C1orf159: variants seen among roughly 807,000 people sequenced by gnomAD.
The protein encoded by C1orf159 is uncharacterized protein C1orf159.
A neutral mutation model predicts 25.6 loss-of-function variants in C1orf159; 19 were observed. That is an observed-to-expected ratio of 0.74 (90% confidence interval 0.52 to 1.09). The LOEUF is 1.09. Ranked by LOEUF, C1orf159 falls within the 50% of genes least tolerant of loss-of-function variation. The pLI, the probability that C1orf159 is intolerant of heterozygous loss-of-function variation, is 0.00. For missense variants in C1orf159, 274 were observed against 290.6 expected, an observed-to-expected ratio of 0.94 and a Z score of 0.42; for synonymous variants, 139 against 124.7, an observed-to-expected ratio of 1.12 and a Z score of -0.77.
intron 1 of C1orf159, among the ~76,000 whole-genome samples, chr1:1,099,444 G>C (rs1170536800): frequency 6.6e-6 from 1 of 151,232 alleles, no homozygotes; most frequent in African/African-American, 2.4e-5. Context: ...GTTGTCTATT[G>C]ATGTTTTTGG....
intron 1 of C1orf159, among the ~76,000 whole-genome samples, chr1:1,107,152 C>T (rs529718328): frequency 1.3e-5 from 2 of 152,280 alleles, no homozygotes; most frequent in Non-Finnish European, 2.9e-5. Context: ...GTGTAGCGCA[C>T]GGCACTGGAC....
At chr1:1,099,235 A>G (rs1646055840) in intron 1 of C1orf159, among the ~76,000 whole-genome samples, 1 of 151,760 alleles carries the variant, frequency 6.6e-6, no homozygotes, top group Non-Finnish European at 1.5e-5. Flanking sequence ...CTATTGTTCT[A>G]AGAATCAGAG....
intron 1 of C1orf159, among the ~76,000 whole-genome samples, chr1:1,106,493 C>T (rs1322356496): frequency 2.6e-5 from 4 of 152,252 alleles, no homozygotes; most frequent in African/African-American, 9.6e-5. Flanking sequence ...CACAGAATTA[C>T]TCTATGACCC....
chr1:1,113,913 C>CTTTTTTTT (rs763307791), intron 1 of C1orf159, among the ~76,000 whole-genome samples: 4 of 121,000 alleles, frequency 3.3e-5, no homozygotes, highest in Non-Finnish European at 6.9e-5. Context: ...CCCTCGAGGC[C>CTTTTTTTT]TTTTTTTTTT....
chr1:1,087,119 TG>T lies in C1orf159; in HGVS notation c.310+19del, dbSNP rs1219136536. ...CCCCCAGGACACCGGCAGAGGTGGC[TG>T]TGGCCTGCTGAGACTTACCAGGATG... is the stretch of plus-strand genomic sequence containing the variant. On this transcript the variant is annotated intron_variant, in intron 6 of 9. Coordinates refer to ENST00000421241, the MANE Select transcript of C1orf159 (RefSeq NM_017891.5). The surrounding 1 kb of genome is among the most constrained non-coding windows in gnomAD (Gnocchi z 8.3). 1 of 1,603,044 alleles carries T rather than the reference TG, an allele frequency of 6.2e-7. No individual in the cohort carries two copies. Among genetic ancestry groups the T allele is most frequent in the Middle Eastern group, 1.7e-4 (1 of 6,046 alleles).
chr1:1,083,159 A>T (rs1645772302), intron 9 of C1orf159, 172 bp from the exon 10 acceptor site: 1 of 562,762 alleles, frequency 1.8e-6, no homozygotes, highest in African/African-American at 1.9e-5. Context: ...AGGCGCCCTC[A>T]GAGCTCCAGC....
At chr1:1,092,838 C>G (rs929979911) in intron 1 of C1orf159, 1 of 152,298 alleles carries the variant, frequency 6.6e-6, no homozygotes, top group South Asian at 2.1e-4. Context: ...GGTCGGAATG[C>G]TTGAGCTCAG....
At chr1:1,085,155 G>A (rs1026171254) in intron 7 of C1orf159, 4 of 312,092 alleles carry the variant, frequency 1.3e-5, no homozygotes, top group Admixed American at 7.8e-5. Context: ...AGAGGTTGAG[G>A]GGGATGGACA....
chr1:1,084,988 C>T (rs778748778), intron 7 of C1orf159, among the ~76,000 whole-genome samples: 1 of 152,168 alleles, frequency 6.6e-6, no homozygotes, highest in African/African-American at 2.4e-5. Flanking sequence ...GGCTTCTCGT[C>T]CCGTGGCCAC....
chr1:1,098,765 C>A (rs1046803221), intron 1 of C1orf159, among the ~76,000 whole-genome samples: 1 of 152,192 alleles, frequency 6.6e-6, no homozygotes, highest in African/African-American at 2.4e-5. Flanking sequence ...CTGCCCGCCA[C>A]CACGTCCAGC....
chr1:1,100,489 G>A (rs867944539), intron 1 of C1orf159, among the ~76,000 whole-genome samples: 14 of 152,282 alleles, frequency 9.2e-5, no homozygotes, highest in Admixed American at 5.2e-4. Flanking sequence ...CACACCGACA[G>A]TGACACATCA....
intron 1 of C1orf159, among the ~76,000 whole-genome samples, chr1:1,113,722 G>A (rs1039720702): frequency 2.0e-5 from 3 of 152,164 alleles, no homozygotes; most frequent in African/African-American, 7.2e-5. Context: ...AAGAAGGCCA[G>A]GCAGGAGACC....
At chr1:1,109,382 G>A (rs2100776272) in intron 1 of C1orf159, among the ~76,000 whole-genome samples, 1 of 152,290 alleles carries the variant, frequency 6.6e-6, no homozygotes, top group Admixed American at 6.5e-5. Context: ...GGGCAGGGAG[G>A]AATGGGGAGT....
chr1:1,095,179 T>G (rs537728963), intron 1 of C1orf159, among the ~76,000 whole-genome samples: 4 of 152,336 alleles, frequency 2.6e-5, no homozygotes, highest in South Asian at 2.1e-4. Context: ...CCACTTTGAT[T>G]AATTGCTTTG....
Position 1,087,687 on chromosome 1 carries a change from G to C in C1orf159, c.149-90C>G. 1 of 984,516 alleles carries C rather than the reference G, an allele frequency of 1.0e-6. No individual in the cohort carries two copies. Among genetic ancestry groups the C allele is most frequent in the Non-Finnish European group, 1.5e-6 (1 of 664,852 alleles). 61.0% of individuals were successfully genotyped at this position (984,516 alleles called of 1,614,324 possible). On this transcript the variant is annotated intron_variant, in intron 4 of 9. Transcript: ENST00000421241. The surrounding 1 kb of genome is among the most constrained non-coding windows in gnomAD (Gnocchi z 8.3). ...AATGATTCTCTATTTGAGTTGGTGAGATAACTTTCATTCCAGATACTAACA... is the reference window on the plus strand; with the variant it reads ...AATGATTCTCTATTTGAGTTGGTGACATAACTTTCATTCCAGATACTAACA...
chr1:1,110,624 G>C lies in C1orf159; in HGVS notation c.-136+5436C>G, dbSNP rs1280939068. Among the ~76,000 whole-genome samples the C allele has an allele frequency of 6.6e-6, 1 of 152,196 alleles. No individual in the cohort carries two copies. Among genetic ancestry groups the C allele is most frequent in the African/African-American group, 2.4e-5 (1 of 41,442 alleles). ...AGCCTCTCGGCTGTGGGGACACACA[G>C]AACCGCTGGGACTTCCACACCTGGG... On this transcript the variant is annotated intron_variant, in intron 1 of 9. Transcript: ENST00000421241. This position sits in a 1 kb window ranked among gnomAD's most constrained non-coding sequence, Gnocchi z 4.8.
intron 1 of C1orf159, among the ~76,000 whole-genome samples, chr1:1,113,821 G>C (rs1570345651): frequency 6.6e-6 from 1 of 152,190 alleles, no homozygotes; most frequent in South Asian, 2.1e-4. Flanking sequence ...TTCTTCCCTC[G>C]GGGTGGGCCG....
chr1:1,085,076 C>T (rs1272765189), intron 7 of C1orf159, among the ~76,000 whole-genome samples: 5 of 152,154 alleles, frequency 3.3e-5, no homozygotes, highest in African/African-American at 7.2e-5. Flanking sequence ...CCGGGTCTCT[C>T]GGTGCCTGGC....
chr1:1,083,086 T>C, intron 9 of C1orf159, 99 bp from the exon 10 acceptor site: 9 of 993,332 alleles, frequency 9.1e-6, no homozygotes, highest in South Asian at 3.3e-5. Context: ...AGTGGGCATA[T>C]GGCACAGGCG....
Sources: gnomAD v4.1 joint callset for allele counts (sites outside exome capture counted in the v4.1 genomes callset) on GRCh38, gnomAD v4.1.1 for gene constraint, Gnocchi (gnomAD v3.1) non-coding constraint, MANE v1.5 for transcripts, NCBI Gene and HGNC (gene_info 2026-07-23, HGNC 2026-07-21) for gene names.